Variants in MUSK observed in about 807,000 individuals in gnomAD.
MUSK encodes muscle, skeletal receptor tyrosine-protein kinase.
MUSK carries 55 observed loss-of-function variants against 88.7 expected under a neutral mutation model. The observed-to-expected ratio is 0.62, with a 90% CI of 0.50 to 0.78. The LOEUF (loss-of-function observed/expected upper bound fraction) is 0.78, where lower values mean the gene tolerates loss of function less well. Ranked by LOEUF, MUSK falls within the 30% of genes least tolerant of loss-of-function variation. MUSK has a pLI of 0.00. For missense variants in MUSK, 1,015 were observed against 1,074.3 expected, an observed-to-expected ratio of 0.94 and a Z score of 0.77; for synonymous variants, 387 against 391.9, an observed-to-expected ratio of 0.99 and a Z score of 0.15.
intron 3 of MUSK, among the ~76,000 whole-genome samples, chr9:110,694,125 C>T (rs184188237): frequency 6.6e-6 from 1 of 150,792 alleles, no homozygotes; most frequent in Non-Finnish European, 1.5e-5. Flanking sequence ...GTAATCCCGG[C>T]ACTTTGGGAG....
At chr9:110,681,015 A>C (rs376845907) in intron 1 of MUSK, among the ~76,000 whole-genome samples, 1 of 24,498 alleles carries the variant, frequency 4.1e-5, no homozygotes, top group Non-Finnish European at 7.0e-5. Context: ...ATTATATATA[A>C]TATATATTAT....
intron 11 of MUSK, among the ~76,000 whole-genome samples, chr9:110,777,429 C>T (rs529672864): frequency 7.1e-4 from 108 of 152,202 alleles, no homozygotes; most frequent in African/African-American, 2.6e-3. Context: ...AAAGGACCAA[C>T]ACTTAAAAGT....
intron 4 of MUSK, 49 bp from the exon 5 acceptor site, chr9:110,697,276 C>T (rs2076443281): frequency 6.3e-7 from 1 of 1,596,412 alleles, no homozygotes; most frequent in African/African-American, 1.3e-5. Context: ...CAAATGTATC[C>T]TTGATAGACC....
rs746757711 is a variant in MUSK at position 110,802,482 on chromosome 9, G to A, written c.*1494G>A. ...TGTGAATTCTTGAAAGTAGATTTTC[G>A]CTGTCTGCTGGAAAACTCTGCCTGA... On this transcript the variant is annotated 3_prime_UTR_variant, in exon 15 of 15. Transcript: ENST00000374448. 3.3e-5 allele frequency among the ~76,000 whole-genome samples: 5 copies of A among 152,090 alleles called. No individual in the cohort carries two copies. The highest frequency in any genetic ancestry group is 6.5e-5 in the Admixed American group (1 of 15,286).
intron 11 of MUSK, among the ~76,000 whole-genome samples, chr9:110,778,433 C>T (rs1477943815): frequency 6.6e-6 from 1 of 152,088 alleles, no homozygotes; most frequent in Non-Finnish European, 1.5e-5. Flanking sequence ...GAAATAATTA[C>T]TTTTCTCTTG....
intron 5 of MUSK, among the ~76,000 whole-genome samples, chr9:110,699,909 A>T (rs1322710175): frequency 6.6e-6 from 1 of 152,212 alleles, no homozygotes; most frequent in Non-Finnish European, 1.5e-5. Context: ...TCTAATAAAG[A>T]TAAACATGCC....
chr9:110,752,620 A>G (rs2077262036), intron 7 of MUSK, among the ~76,000 whole-genome samples: 1 of 152,108 alleles, frequency 6.6e-6, no homozygotes, highest in Non-Finnish European at 1.5e-5. Context: ...CCCCTCTGTC[A>G]TGTTCCTCGT....
intron 8 of MUSK, among the ~76,000 whole-genome samples, chr9:110,764,946 G>A (rs10817091): frequency 0.38 from 58,121 of 151,728 alleles, 12,095 homozygotes; most frequent in Middle Eastern, 0.47. Context: ...ACTTAATGCT[G>A]TAAAACTAAT....
chr9:110,710,307 C>T (rs116022691), intron 5 of MUSK, among the ~76,000 whole-genome samples: 377 of 152,250 alleles, frequency 2.5e-3, no homozygotes, highest in African/African-American at 8.0e-3. Context: ...AGTCTATTTC[C>T]TCATTTGTGA....
At chr9:110,775,361 C>A (rs2077650759) in intron 9 of MUSK, 1 of 240,604 alleles carries the variant, frequency 4.2e-6, no homozygotes, top group Non-Finnish European at 8.1e-6. Context: ...ACCCATTAGC[C>A]CCAAGATCAT....
At chr9:110,714,896 CAGA>C (rs2076725451) in intron 5 of MUSK, among the ~76,000 whole-genome samples, 1 of 137,456 alleles carries the variant, frequency 7.3e-6, no homozygotes, top group African/African-American at 3.3e-5. Context: ...TATTTAAGAG[CAGA>C]TTCAAATAAT....
intron 5 of MUSK, among the ~76,000 whole-genome samples, chr9:110,718,709 A>G (rs945791724): frequency 1.3e-5 from 2 of 152,098 alleles, no homozygotes; most frequent in African/African-American, 4.8e-5. Flanking sequence ...AGATCTAGAC[A>G]TCCGAATACA....
At chr9:110,736,466 A>G (rs1296966461) in intron 6 of MUSK, among the ~76,000 whole-genome samples, 3 of 152,082 alleles carry the variant, frequency 2.0e-5, no homozygotes, top group African/African-American at 4.8e-5. Flanking sequence ...CTCTGAGATA[A>G]TGGTATACAT....
At chr9:110,763,385 TTAGCAGAG>T (rs1407806550) in intron 8 of MUSK, among the ~76,000 whole-genome samples, 1 of 152,146 alleles carries the variant, frequency 6.6e-6, no homozygotes, top group African/African-American at 2.4e-5. Context: ...AGCTACTGCC[TTAGCAGAG>T]TAAAGTTTAT....
chr9:110,675,587 T>TG (rs1564205583), intron 1 of MUSK, among the ~76,000 whole-genome samples: 4 of 77,168 alleles, frequency 5.2e-5, no homozygotes, highest in Middle Eastern at 9.4e-3. Flanking sequence ...TTTTTTTTTT[T>TG]GGGACTGAGT....
rs554789439 is a variant in MUSK at position 110,690,008 on chromosome 9, T to A, written c.358+2740T>A. Among the ~76,000 whole-genome samples, 11 of 85,992 alleles carry A rather than the reference T, an allele frequency of 1.3e-4. No individual in the cohort carries two copies. In the South Asian group the frequency reaches 1.6e-3, roughly 12 times the overall value. The allele number at this position is 85,992 out of a possible 152,430, so 56.4% of individuals were successfully genotyped here. On this transcript the variant is annotated intron_variant, in intron 3 of 14. Transcript: ENST00000374448. ...TATTATAATTATATATTATATATTATAAATATATAATATATATTATATATT... is the reference window on the plus strand; with the variant it reads ...TATTATAATTATATATTATATATTAAAAATATATAATATATATTATATATT...
intron 6 of MUSK, among the ~76,000 whole-genome samples, chr9:110,740,442 G>A (rs1036918883): frequency 1.3e-5 from 2 of 152,084 alleles, no homozygotes; most frequent in Non-Finnish European, 2.9e-5. Context: ...CTACAATGAT[G>A]AGCGCCAAAA....
chr9:110,737,922 G>C (rs183828615), intron 6 of MUSK, among the ~76,000 whole-genome samples: 1 of 152,168 alleles, frequency 6.6e-6, no homozygotes, highest in African/African-American at 2.4e-5. Flanking sequence ...AATCTCATTC[G>C]CAATCTCTAT....
chr9:110,695,883 A>C (rs571432607), intron 4 of MUSK, among the ~76,000 whole-genome samples: 1 of 152,268 alleles, frequency 6.6e-6, no homozygotes, highest in South Asian at 2.1e-4. Flanking sequence ...CAGGCTTTAG[A>C]ACTGACAGTT....
Sources: allele counts gnomAD v4.1 joint callset (sites outside exome capture counted in the v4.1 genomes callset), GRCh38; gene constraint gnomAD v4.1.1; transcripts MANE v1.5; gene names NCBI Gene and HGNC (gene_info 2026-07-23, HGNC 2026-07-21).